KANK1: variants seen among roughly 807,000 people sequenced by gnomAD.
The protein encoded by KANK1 is KN motif and ankyrin repeat domains 1.
Under a neutral mutation model 106.2 loss-of-function variants are expected in KANK1, and 109 were observed. That is an observed-to-expected ratio of 1.03 (90% CI 0.88 to 1.20). The LOEUF (loss-of-function observed/expected upper bound fraction) is 1.20, where lower values mean the gene tolerates loss of function less well. Ranked by LOEUF, KANK1 falls within the 50% of genes most tolerant of loss-of-function variation. The pLI, the probability that KANK1 is intolerant of heterozygous loss-of-function variation, is 0.00. For missense variants in KANK1, 2,399 were observed against 1,710.7 expected (o/e 1.40, Z -7.10); for synonymous variants, 873 against 652.2 (o/e 1.34, Z -5.16).
At chr9:542,941 A>G (rs2133879848) in intron 1 of KANK1, among the ~76,000 whole-genome samples, 1 of 152,226 alleles carries the variant, frequency 6.6e-6, no homozygotes, top group African/African-American at 2.4e-5. Context: ...AGTTTCAGTT[A>G]AGTTAAATAT....
intron 1 of KANK1, among the ~76,000 whole-genome samples, chr9:626,112 C>G (rs936067220): frequency 6.6e-6 from 1 of 152,088 alleles, no homozygotes; most frequent in African/African-American, 2.4e-5. Context: ...AAAATACTCT[C>G]TAGGATTACT....
intron 1 of KANK1, among the ~76,000 whole-genome samples, chr9:540,051 C>G (rs1298049842): frequency 2.0e-5 from 3 of 152,172 alleles, no homozygotes; most frequent in Non-Finnish European, 4.4e-5. Context: ...ATAGCTCTGG[C>G]TAAAACTTCT....
intron 3 of KANK1, chr9:478,196 T>C (rs1445913731): frequency 6.1e-6 from 1 of 164,384 alleles, no homozygotes; most frequent in Non-Finnish European, 1.3e-5. Context: ...GCATGACAGA[T>C]GCAGCACCAA....
intron 3 of KANK1, among the ~76,000 whole-genome samples, chr9:717,893 C>T (rs16923077): frequency 6.6e-6 from 1 of 152,080 alleles, no homozygotes; most frequent in African/African-American, 2.4e-5. Context: ...CTGCCTGCCC[C>T]ATGATTTATA....
chr9:684,337 G>T, intron 2 of KANK1: 1 of 985,312 alleles, frequency 1.0e-6, no homozygotes. Context: ...CTGGGTACTG[G>T]GCAAAGAAAC....
At chr9:706,479 T>C (rs7019865) in intron 2 of KANK1, among the ~76,000 whole-genome samples, 34,480 of 151,946 alleles carry the variant, frequency 0.23, 4,193 homozygotes, top group Admixed American at 0.25. Context: ...ATAGAAAAAG[T>C]AGGAGTTACA....
chr9:519,176 C>T (rs1474189159), intron 1 of KANK1, among the ~76,000 whole-genome samples: 1 of 151,712 alleles, frequency 6.6e-6, no homozygotes, highest in Non-Finnish European at 1.5e-5. Flanking sequence ...AGGCATGAGA[C>T]ACTGCGCCCA....
chr9:549,752 A>G (rs1046399021), intron 1 of KANK1: 5 of 152,216 alleles, frequency 3.3e-5, no homozygotes, highest in Non-Finnish European at 5.9e-5. Flanking sequence ...ATGACATAGG[A>G]ACTATGAAGC....
intron 1 of KANK1, among the ~76,000 whole-genome samples, chr9:649,324 T>A (rs1003684125): frequency 1.3e-5 from 2 of 152,130 alleles, no homozygotes; most frequent in Non-Finnish European, 2.9e-5. Context: ...CCCATCTACT[T>A]AACATTTTAA....
chr9:539,151 G>A (rs1395682319), intron 1 of KANK1, among the ~76,000 whole-genome samples: 2 of 152,192 alleles, frequency 1.3e-5, no homozygotes, highest in Non-Finnish European at 2.9e-5. Context: ...TAAGTGCTGG[G>A]ATTATAGGCA....
In KANK1 at chr9:713,298, C is replaced by T. The variant is rs921712165; in HGVS notation, c.2532C>T (p.Asn844=). 7 of 1,614,158 alleles carry T rather than the reference C, an allele frequency of 4.3e-6. No individual in the cohort carries two copies. Among genetic ancestry groups the T allele is most frequent in the Middle Eastern group, 1.7e-4 (1 of 6,058 alleles). The change falls in exon 3 of 12, where the codon AAC becomes AAT. Residue 844 remains asparagine, a synonymous_variant. Coordinates refer to ENST00000382297, the MANE Select transcript of KANK1 (RefSeq NM_015158.5). ...AACAGCAGACACTGCTGGCTGAGAA[C>T]TACAGTGAACTGGCAGAAGCTTTCG... ...LAEQQTLLAE[N]YSELAEAFGE...
intron 1 of KANK1, among the ~76,000 whole-genome samples, chr9:663,257 T>A (rs1843776197): frequency 6.6e-6 from 1 of 152,236 alleles, no homozygotes; most frequent in African/African-American, 2.4e-5. Flanking sequence ...ACTACATTGT[T>A]GTTCTTTAAT....
At chr9:737,769 G>T (rs1278603167) in intron 7 of KANK1, among the ~76,000 whole-genome samples, 1 of 152,178 alleles carries the variant, frequency 6.6e-6, no homozygotes, top group Non-Finnish European at 1.5e-5. Context: ...AGTTTGGTCT[G>T]GATAGGAAGG....
In KANK1 at chr9:680,153, T is replaced by C. The variant is rs542599539; in HGVS notation, c.37+3144T>C. On this transcript the variant is annotated intron_variant, in intron 2 of 11. Coordinates refer to ENST00000382297, the MANE Select transcript of KANK1 (RefSeq NM_015158.5). ...TCCAAAAATTGCTGCTTGGGCTTCA[T>C]AGAGCATGAGGGGAAATTTCATGTG... Among the ~76,000 whole-genome samples, 7 of 152,208 alleles carry C rather than the reference T, an allele frequency of 4.6e-5. No individual in the cohort carries two copies. In the South Asian group the frequency reaches 1.5e-3, roughly 32 times the overall value.
chr9:598,501 G>A (rs1826792312), intron 1 of KANK1, among the ~76,000 whole-genome samples: 1 of 149,862 alleles, frequency 6.7e-6, no homozygotes, highest in Admixed American at 6.6e-5. Flanking sequence ...AATATAGGAT[G>A]TATTTCCATT....
At chr9:705,941 C>G (rs1355460603) in intron 2 of KANK1, among the ~76,000 whole-genome samples, 1 of 151,840 alleles carries the variant, frequency 6.6e-6, no homozygotes, top group African/African-American at 2.4e-5. Flanking sequence ...TCTCTGGGTG[C>G]TTATAGTCTG....
At position 711,786 on chromosome 9, in the gene KANK1, A is replaced by C. The variant is rs767399253; in HGVS notation, c.1020A>C (p.Arg340Ser). The C allele has an allele frequency of 4.3e-6, 7 of 1,614,046 alleles. No homozygotes were observed. The highest frequency in any genetic ancestry group is 5.9e-6 in the Non-Finnish European group (7 of 1,180,012). ...TGGAACAGCTCTCCCGGGCCCGAAG[A>C]AGTGGCGGGGAATTATACATTGACT... ...SQLEQLSRAR[R>S]SGGELYIDYE... The change falls in exon 3 of 12, where the codon AGA (arginine) becomes AGC (serine). Residue 340 changes from arginine (R) to serine (S), a missense_variant. Physicochemically the swap from Arg to Ser is moderately radical, Grantham distance 110. Coordinates refer to ENST00000382297, the MANE Select transcript of KANK1 (RefSeq NM_015158.5).
intron 1 of KANK1, among the ~76,000 whole-genome samples, chr9:601,275 C>T (rs979164280): frequency 6.6e-6 from 1 of 151,790 alleles, no homozygotes; most frequent in Admixed American, 6.6e-5. Flanking sequence ...TGGTCTAATA[C>T]TTCCAGCTAA....
chr9:711,834 C>T lies in KANK1; in HGVS notation c.1068C>T (p.Thr356=), dbSNP rs17853806. 4.3e-6 allele frequency: 7 copies of T among 1,614,104 alleles called. No individual in the cohort carries two copies. Among genetic ancestry groups the T allele is most frequent in the South Asian group, 3.3e-5 (3 of 91,084 alleles). The change falls in exon 3 of 12, where the codon ACC becomes ACT. Residue 356 remains threonine (T), a synonymous_variant. Transcript: ENST00000382297. ...ACTATGAGGAGGAAGAAATGGAGACCGTAGAACAGAGCACGCAGAGGATAA... is the reference window on the plus strand; with the variant it reads ...ACTATGAGGAGGAAGAAATGGAGACTGTAGAACAGAGCACGCAGAGGATAA... ...YIDYEEEEME[T]VEQSTQRIKE... is the part of the protein sequence containing the mutation.
Sources: gnomAD v4.1 joint callset for allele counts (sites outside exome capture counted in the v4.1 genomes callset) on GRCh38, gnomAD v4.1.1 for gene constraint, MANE v1.5 for transcripts, NCBI Gene and HGNC (gene_info 2026-07-23, HGNC 2026-07-21) for gene names.